The following NDST4 variants were observed in gnomAD, a reference collection of about 807,000 sequenced individuals.
NDST4 encodes the protein N-heparan sulfate sulfotransferase 4.
In NDST4, 63 loss-of-function variants were observed where a neutral mutation model predicts 100.8. The observed-to-expected ratio is 0.62, with a 90% CI of 0.51 to 0.77. The LOEUF is 0.77. NDST4 is among the 30% of genes least tolerant of loss of function. The probability of loss-of-function intolerance (pLI) is 0.00; values close to 1 mark genes in which losing one functional copy is unlikely to be tolerated. For synonymous variants in NDST4, 377 were observed against 361.8 expected (o/e 1.04, Z -0.48); for missense variants, 943 against 1,018.4 (o/e 0.93, Z 1.01).
chr4:115,004,638 C>T (rs952022824), intron 2 of NDST4, among the ~76,000 whole-genome samples: 2 of 152,168 alleles, frequency 1.3e-5, no homozygotes, highest in African/African-American at 2.4e-5. Context: ...CCAACCACCC[C>T]TTCTCAATCA....
At position 114,969,919 on chromosome 4, in the gene NDST4, T is replaced by C. The variant is rs544313662; in HGVS notation, c.1221+511A>G. On this transcript the variant is annotated intron_variant, in intron 4 of 13. Transcript: ENST00000264363. ...TTTCCACAATGGCTATACTAATTTA[T>C]ATTTCCACCAGCAGTGTGTAAGTGT... Among the ~76,000 whole-genome samples the C allele has an allele frequency of 3.9e-5, 6 of 152,350 alleles. No individual in the cohort carries two copies. The South Asian group carries it at 1.2e-3, about 32-fold the overall frequency.
At chr4:114,852,970 T>G in intron 7 of NDST4, 149 bp from the exon 8 acceptor site, 1 of 549,382 alleles carries the variant, frequency 1.8e-6, no homozygotes, top group Non-Finnish European at 3.2e-6. Context: ...TTCCAAATCT[T>G]TTTTAAATAA....
At chr4:114,848,778 ATGTGCTACTC>A (rs1443375681) in intron 8 of NDST4, among the ~76,000 whole-genome samples, 2 of 152,216 alleles carry the variant, frequency 1.3e-5, no homozygotes, top group Non-Finnish European at 2.9e-5. Context: ...ACAGAGGTTG[ATGTGCTACTC>A]TGTGTATGGT....
intron 3 of NDST4, 47 bp from the exon 4 acceptor site, chr4:114,970,631 A>T: frequency 6.6e-7 from 1 of 1,504,000 alleles, no homozygotes; most frequent in Non-Finnish European, 9.1e-7. Context: ...ATTTCTTACT[A>T]TCTTAAAGGT....
chr4:114,869,554 T>C lies in NDST4; in HGVS notation c.1719+1214A>G, dbSNP rs115330348. On this transcript the variant is annotated intron_variant, in intron 7 of 13. Transcript: ENST00000264363. ...TGTTGATATATGCGCATAATACTTATGCTTCTATCTATTTACCTGTCTTTC... is the reference window on the plus strand; with the variant it reads ...TGTTGATATATGCGCATAATACTTACGCTTCTATCTATTTACCTGTCTTTC... Among the ~76,000 whole-genome samples, 293 of 152,258 alleles carry C rather than the reference T, an allele frequency of 1.9e-3. 1 individual carries two copies. Among genetic ancestry groups the C allele is most frequent in the African/African-American group, 6.5e-3 (272 of 41,588 alleles).
At chr4:114,917,962 T>C (rs1725209030) in intron 6 of NDST4, among the ~76,000 whole-genome samples, 1 of 152,182 alleles carries the variant, frequency 6.6e-6, no homozygotes, top group Non-Finnish European at 1.5e-5. Context: ...AAGAGATTTA[T>C]TACATTAAAA....
intron 7 of NDST4, among the ~76,000 whole-genome samples, chr4:114,857,059 C>T (rs1253594387): frequency 6.6e-6 from 1 of 152,084 alleles, no homozygotes; most frequent in Non-Finnish European, 1.5e-5. Flanking sequence ...TACAAGCCAC[C>T]CTCACACTTG....
chr4:114,975,177 G>C (rs1215374509), intron 3 of NDST4, among the ~76,000 whole-genome samples: 1 of 152,084 alleles, frequency 6.6e-6, no homozygotes, highest in Non-Finnish European at 1.5e-5. Flanking sequence ...TGATATCCCT[G>C]AGTGCATTAA....
At chr4:115,019,700 T>G (rs1020328909) in intron 2 of NDST4, among the ~76,000 whole-genome samples, 3 of 152,116 alleles carry the variant, frequency 2.0e-5, no homozygotes, top group Non-Finnish European at 4.4e-5. Flanking sequence ...TTAATTACCA[T>G]TGTAATGGAA....
intron 7 of NDST4, 132 bp downstream of exon 7, chr4:114,870,636 A>G (rs2126196739): frequency 3.0e-6 from 2 of 659,538 alleles, no homozygotes; most frequent in Non-Finnish European, 4.5e-6. Context: ...AGAGGATAAA[A>G]GTATTGTATA....
intron 2 of NDST4, among the ~76,000 whole-genome samples, chr4:114,991,219 T>A (rs1442142264): frequency 6.6e-6 from 1 of 151,920 alleles, no homozygotes; most frequent in Non-Finnish European, 1.5e-5. Context: ...TTAAGACAAA[T>A]GAGAATAATA....
At chr4:115,107,687 C>T (rs947570290) in intron 1 of NDST4, among the ~76,000 whole-genome samples, 1 of 152,018 alleles carries the variant, frequency 6.6e-6, no homozygotes, top group African/African-American at 2.4e-5. Flanking sequence ...CAGTTTTCTA[C>T]CATGAGAATA....
intron 1 of NDST4, among the ~76,000 whole-genome samples, chr4:115,111,916 T>C (rs944609206): frequency 1.4e-4 from 21 of 151,890 alleles, no homozygotes; most frequent in African/African-American, 5.1e-4. Flanking sequence ...TTCTTATTTT[T>C]AAAAATGTCA....
At chr4:114,831,511 T>C (rs1723200985) in intron 12 of NDST4, among the ~76,000 whole-genome samples, 3 of 152,202 alleles carry the variant, frequency 2.0e-5, no homozygotes, top group Admixed American at 6.5e-5. Flanking sequence ...AGGATGAGAA[T>C]ATTTAACTGC....
chr4:114,847,254 T>C (rs1338761737), intron 9 of NDST4, among the ~76,000 whole-genome samples: 1 of 139,114 alleles, frequency 7.2e-6, no homozygotes, highest in Non-Finnish European at 1.5e-5. Context: ...CGGGCGCCTG[T>C]AGTCCCAGCT....
At chr4:114,980,108 A>C (rs953764440) in intron 2 of NDST4, among the ~76,000 whole-genome samples, 13 of 152,190 alleles carry the variant, frequency 8.5e-5, no homozygotes, top group Admixed American at 6.5e-5. Flanking sequence ...ATAATGTAAA[A>C]TGTCAGAAGA....
intron 1 of NDST4, among the ~76,000 whole-genome samples, chr4:115,096,698 T>G (rs2126296676): frequency 6.6e-6 from 1 of 152,238 alleles, no homozygotes; most frequent in Non-Finnish European, 1.5e-5. Flanking sequence ...AATATTTTCC[T>G]TCTCGACTAA....
chr4:114,944,384 C>T (rs1725815790), intron 4 of NDST4, among the ~76,000 whole-genome samples: 1 of 152,222 alleles, frequency 6.6e-6, no homozygotes, highest in African/African-American at 2.4e-5. Context: ...CTCTCTCCAT[C>T]TCAACTCTGA....
chr4:114,948,674 C>T (rs1336561644), intron 4 of NDST4, among the ~76,000 whole-genome samples: 1 of 152,006 alleles, frequency 6.6e-6, no homozygotes, highest in Non-Finnish European at 1.5e-5. Context: ...CCCCAATTAT[C>T]CTGTGTTATT....
Sources: allele counts gnomAD v4.1 joint callset (sites outside exome capture counted in the v4.1 genomes callset), GRCh38; gene constraint gnomAD v4.1.1; transcripts MANE v1.5; gene names NCBI Gene and HGNC (gene_info 2026-07-23, HGNC 2026-07-21).